MTMR9: variants seen among roughly 807,000 people sequenced by gnomAD.
MTMR9 encodes myotubularin related protein 9, also known as myotubularin-related protein 9.
Under a neutral mutation model 69.5 loss-of-function variants are expected in MTMR9, and 39 were observed. The ratio of observed to expected loss-of-function variants is 0.56; its 90% CI spans 0.43 to 0.73. MTMR9 has a LOEUF of 0.73. MTMR9 is among the 30% of genes least tolerant of loss of function. MTMR9 has a pLI of 0.00. For synonymous variants in MTMR9, 354 were observed against 240.8 expected, an observed-to-expected ratio of 1.47 and a Z score of -4.35; for missense variants, 900 against 671.2, an observed-to-expected ratio of 1.34 and a Z score of -3.77.
intron 3 of MTMR9, 99 bp downstream of exon 3, chr8:11,300,247 G>T (rs944666944): frequency 1.9e-5 from 25 of 1,328,106 alleles, no homozygotes; most frequent in Non-Finnish European, 2.6e-5. Context: ...ATAAGGTGAA[G>T]TTGACTTATC....
intron 2 of MTMR9, among the ~76,000 whole-genome samples, chr8:11,296,578 T>C (rs552447155): frequency 6.6e-6 from 1 of 152,332 alleles, no homozygotes; most frequent in African/African-American, 2.4e-5. Flanking sequence ...CATTCTACTT[T>C]CTGTTTCTCT....
chr8:11,338,096 G>A, the MTMR9 span, among the ~76,000 whole-genome samples: 4 of 152,348 alleles, frequency 2.6e-5, no homozygotes, highest in African/African-American at 9.6e-5. Flanking sequence ...GAGGAGCAAT[G>A]ATTTGGAGAC....
chr8:11,339,189 A>T, the MTMR9 span, among the ~76,000 whole-genome samples: 1 of 152,138 alleles, frequency 6.6e-6, no homozygotes, highest in Non-Finnish European at 1.5e-5. Context: ...GTTGATAGTG[A>T]TCTATTATAA....
chr8:11,305,857 C>G (rs893486908), intron 4 of MTMR9, among the ~76,000 whole-genome samples: 1 of 152,188 alleles, frequency 6.6e-6, no homozygotes, highest in African/African-American at 2.4e-5. Context: ...TTTACTGGCT[C>G]ATAGGCCATT....
chr8:11,330,796 C>T (rs1801185108), downstream of MTMR9: 5 of 460,612 alleles, frequency 1.1e-5, no homozygotes, highest in Admixed American at 1.6e-4. Flanking sequence ...CCGCAGGGTC[C>T]TCTGCCTAGG....
the MTMR9 span, among the ~76,000 whole-genome samples, chr8:11,333,617 T>C: frequency 2.2e-4 from 34 of 152,206 alleles, no homozygotes; most frequent in Non-Finnish European, 3.8e-4. Context: ...ACCAGTATTA[T>C]TATAACTTTA....
intron 3 of MTMR9, among the ~76,000 whole-genome samples, chr8:11,302,448 C>A (rs971282445): frequency 4.6e-5 from 7 of 151,898 alleles, no homozygotes; most frequent in Non-Finnish European, 8.8e-5. Context: ...TGTTCAGCTA[C>A]TGAACAATAA....
chr8:11,304,271 T>G (rs1187821449), intron 3 of MTMR9, among the ~76,000 whole-genome samples: 5 of 152,188 alleles, frequency 3.3e-5, no homozygotes, highest in African/African-American at 4.8e-5. Context: ...TTTACCTTTT[T>G]TAAAATAAAC....
At chr8:11,302,031 C>T (rs1563272662) in intron 3 of MTMR9, among the ~76,000 whole-genome samples, 2 of 151,850 alleles carry the variant, frequency 1.3e-5, no homozygotes, top group South Asian at 2.1e-4. Context: ...CTGAGGCAGG[C>T]AGGTCACTTG....
intron 1 of MTMR9, among the ~76,000 whole-genome samples, chr8:11,291,288 T>C (rs1050907249): frequency 2.6e-5 from 4 of 152,122 alleles, no homozygotes; most frequent in South Asian, 2.1e-4. Context: ...AGATGGTGTA[T>C]ATGCTAGGTG....
chr8:11,306,157 G>A (rs1799930895), intron 4 of MTMR9, 33 bp from the exon 5 acceptor site: 2 of 1,589,082 alleles, frequency 1.3e-6, no homozygotes, highest in East Asian at 2.2e-5. Context: ...AAAAGCAACT[G>A]CTGTTGAATT....
intron 6 of MTMR9, among the ~76,000 whole-genome samples, chr8:11,311,634 C>A (rs1800201373): frequency 6.6e-6 from 1 of 152,112 alleles, no homozygotes; most frequent in Non-Finnish European, 1.5e-5. Flanking sequence ...GCCTTGCCTC[C>A]CCATTGATGG....
downstream of MTMR9, chr8:11,331,799 G>A: frequency 2.5e-6 from 4 of 1,611,776 alleles, no homozygotes; most frequent in Non-Finnish European, 3.4e-6. Context: ...TGGTGGGGCT[G>A]CTGGGCTGTG....
At position 11,310,446 on chromosome 8, in the gene MTMR9, C is replaced by T. The variant is rs77588966; in HGVS notation, c.971+758C>T. Among the ~76,000 whole-genome samples the T allele has an allele frequency of 7.7e-3, 1,178 of 152,176 alleles. 18 individuals carry two copies. Among genetic ancestry groups the T allele is most frequent in the African/African-American group, 0.026 (1,098 of 41,500 alleles). On this transcript the variant is annotated intron_variant, in intron 6 of 9. Transcript: ENST00000221086. Reference sequence around the variant, plus strand: ...CTTTAACTTGTTTTATTGATGCTTCCAAATTAGGGAAATATATACCTAATT... The same window carrying T: ...CTTTAACTTGTTTTATTGATGCTTCTAAATTAGGGAAATATATACCTAATT...
intron 2 of MTMR9, chr8:11,298,823 C>T (rs893254153): frequency 3.5e-5 from 34 of 984,452 alleles, no homozygotes; most frequent in Non-Finnish European, 4.1e-5. Flanking sequence ...TCTGTTCCTC[C>T]CATCTACTCA....
chr8:11,331,255 C>T (rs1563297338), downstream of MTMR9: 3 of 1,613,932 alleles, frequency 1.9e-6, no homozygotes, highest in South Asian at 1.1e-5. Flanking sequence ...GGGGGCCTGC[C>T]TGCTGGCTTC....
intron 3 of MTMR9, among the ~76,000 whole-genome samples, chr8:11,302,802 G>A (rs750699621): frequency 1.9e-4 from 29 of 151,982 alleles, no homozygotes; most frequent in Admixed American, 2.0e-4. Flanking sequence ...CATAGGAAAA[G>A]GAAAGAATCT....
chr8:11,328,272 A>G (rs1801037932), downstream of MTMR9: 1 of 152,084 alleles, frequency 6.6e-6, no homozygotes, highest in Non-Finnish European at 1.5e-5. Context: ...GCTGCAAAAT[A>G]GTACACTGAT....
At chr8:11,299,942 G>T in intron 2 of MTMR9, 81 bp from the exon 3 acceptor site, 1 of 1,500,862 alleles carries the variant, frequency 6.7e-7, no homozygotes, top group Non-Finnish European at 9.0e-7. Context: ...GACCATGTTT[G>T]CTTAATACTA....
Sources: allele counts gnomAD v4.1 joint callset (sites outside exome capture counted in the v4.1 genomes callset), GRCh38; gene constraint gnomAD v4.1.1; transcripts MANE v1.5; gene names NCBI Gene and HGNC (gene_info 2026-07-23, HGNC 2026-07-21).